CFTR: variants seen among roughly 807,000 people sequenced by gnomAD.
CFTR encodes the protein CF transmembrane conductance regulator, also known as cystic fibrosis transmembrane conductance regulator.
In CFTR, 181 loss-of-function variants were observed where a neutral mutation model predicts 171.6. That is an observed-to-expected ratio of 1.05 (90% CI 0.93 to 1.19). The LOEUF (loss-of-function observed/expected upper bound fraction) is 1.19, where lower values mean the gene tolerates loss of function less well. Ranked by LOEUF, CFTR falls within the 50% of genes most tolerant of loss-of-function variation. CFTR has a pLI of 0.00. For missense variants in CFTR, 1,968 were observed against 1,734.7 expected, an observed-to-expected ratio of 1.13 and a Z score of -2.39; for synonymous variants, 583 against 608.0, an observed-to-expected ratio of 0.96 and a Z score of 0.60.
At chr7:117,651,067 T>C (rs926060528) in intron 23 of CFTR, among the ~76,000 whole-genome samples, 2 of 152,138 alleles carry the variant, frequency 1.3e-5, no homozygotes, top group African/African-American at 4.8e-5. Context: ...CCTCATGAGG[T>C]TGACATGAAG....
intron 24 of CFTR, among the ~76,000 whole-genome samples, chr7:117,653,476 G>A (rs900391979): frequency 1.3e-5 from 2 of 152,138 alleles, no homozygotes; most frequent in Non-Finnish European, 2.9e-5. Context: ...AATGGAAAGG[G>A]CAAGACCTCT....
At chr7:117,539,441 C>T (rs909912512) in intron 7 of CFTR, among the ~76,000 whole-genome samples, 2 of 150,530 alleles carry the variant, frequency 1.3e-5, no homozygotes, top group East Asian at 1.9e-4. Context: ...TTGTTTCAAA[C>T]GCAAATCCTG....
chr7:117,498,661 TA>T (rs1798275387), intron 1 of CFTR, among the ~76,000 whole-genome samples: 1 of 152,162 alleles, frequency 6.6e-6, no homozygotes, highest in Non-Finnish European at 1.5e-5. Flanking sequence ...TTATAGACAC[TA>T]GATGAGTTTT....
chr7:117,500,882 C>T (rs536470586), intron 1 of CFTR, among the ~76,000 whole-genome samples: 5 of 152,180 alleles, frequency 3.3e-5, no homozygotes, highest in South Asian at 4.1e-4. Context: ...CTAATCAAAA[C>T]GATGTGTCAT....
In CFTR at chr7:117,602,699, G is replaced by A. The variant is rs1312946247; in HGVS notation, c.2620-127G>A. On this transcript the variant is annotated intron_variant, in intron 15 of 26. Transcript: ENST00000003084. Reference sequence around the variant, plus strand: ...GACCCAGGAACACAAAGCAAAGGAAGATGAAATTGTGTGTACCTTGATATT... The same window carrying A: ...GACCCAGGAACACAAAGCAAAGGAAAATGAAATTGTGTGTACCTTGATATT... The A allele has an allele frequency of 6.7e-5, 56 of 839,688 alleles. No homozygotes were observed. In the East Asian group the frequency reaches 1.3e-3, roughly 20 times the overall value. 52.0% of individuals were successfully genotyped at this position (839,688 alleles called of 1,614,324 possible).
chr7:117,561,464 C>T (rs1426791893), intron 11 of CFTR, among the ~76,000 whole-genome samples: 1 of 152,028 alleles, frequency 6.6e-6, no homozygotes, highest in Non-Finnish European at 1.5e-5. Context: ...ATTACCGTTC[C>T]TTTGTAGCTA....
At chr7:117,643,816 T>C (rs1294643426) in intron 23 of CFTR, among the ~76,000 whole-genome samples, 1 of 152,110 alleles carries the variant, frequency 6.6e-6, no homozygotes, top group East Asian at 1.9e-4. Flanking sequence ...AAATGGTGAA[T>C]TTTTTGGTTT....
rs762608972 is a variant in CFTR, at chr7:117,595,023, G to T, written c.2584G>T (p.Val862Leu). The T allele has an allele frequency of 1.2e-6, 2 of 1,612,764 alleles. No homozygotes were observed. The highest frequency in any genetic ancestry group is 2.2e-5 in the East Asian group (1 of 44,734). The change falls in exon 15 of 27, where the codon GTG (valine) becomes TTG (leucine). Residue 862 changes from valine (V) to leucine (L), a missense_variant. Transcript: ENST00000003084. ...TACTGTCCACAAGAGCTTAATTTTT[G>T]TGCTAATTTGGTGCTTAGTAATTTT... ...YITVHKSLIF[V>L]LIWCLVIFLA...
At position 117,592,617 on chromosome 7, in the gene CFTR, G is replaced by T. The variant is rs148604667; in HGVS notation, c.2450G>T (p.Gly817Val). ...TCAAGAAGGTTATCTCAAGAAACTG[G>T]CTTGGAAATAAGTGAAGAAATTAAC... ...IYSRRLSQET[G>V]LEISEEINEE... Residue 817 changes from glycine to valine, a missense_variant, in exon 14 of 27, where the codon GGC (glycine) becomes GTC (valine). Physicochemically the swap from Gly to Val is moderately radical, Grantham distance 109 (BLOSUM62 -3). Coordinates refer to ENST00000003084, the MANE Select transcript of CFTR (RefSeq NM_000492.4). 54 of 1,534,200 alleles carry T rather than the reference G, an allele frequency of 3.5e-5. No individual in the cohort carries two copies. Among genetic ancestry groups the T allele is most frequent in the Non-Finnish European group, 4.4e-5 (51 of 1,148,282 alleles).
At chr7:117,544,433 A>C (rs756409110) in intron 9 of CFTR, among the ~76,000 whole-genome samples, 3 of 152,212 alleles carry the variant, frequency 2.0e-5, no homozygotes, top group Admixed American at 6.5e-5. Context: ...GTTCACCCCC[A>C]GTAGATAGCC....
rs542211296 is a variant in CFTR, at chr7:117,603,832, G to A, written c.2908+50G>A. The A allele has an allele frequency of 1.1e-5, 17 of 1,604,680 alleles. No homozygotes were observed. In the South Asian group the frequency reaches 1.8e-4, roughly 17 times the overall value. ...AAACTGCTGATCCACCATCAATAGG[G>A]CCTGTGGTTTTGTTGGTTTTCTAAT... On this transcript the variant is annotated intron_variant, in intron 17 of 26. Coordinates refer to ENST00000003084, the MANE Select transcript of CFTR (RefSeq NM_000492.4).
At chr7:117,602,926 C>T (rs1792247442) in intron 16 of CFTR, 63 bp downstream of exon 16, 2 of 1,342,698 alleles carry the variant, frequency 1.5e-6, no homozygotes, top group Non-Finnish European at 2.1e-6. Context: ...ATATTGTAAT[C>T]CACTATGTTT....
At chr7:117,627,906 T>TA in intron 22 of CFTR, 136 bp downstream of exon 22, 1 of 888,916 alleles carries the variant, frequency 1.1e-6, no homozygotes, top group Non-Finnish European at 1.8e-6. Context: ...ACACATGTTT[T>TA]ATTATATGGA....
At chr7:117,658,142 A>ACAG (rs1349091837) in intron 24 of CFTR, among the ~76,000 whole-genome samples, 1 of 152,190 alleles carries the variant, frequency 6.6e-6, no homozygotes, top group Non-Finnish European at 1.5e-5. Flanking sequence ...CTATCCCAAA[A>ACAG]CAGCTTAGGC....
intron 3 of CFTR, among the ~76,000 whole-genome samples, chr7:117,526,269 A>G (rs1288336170): frequency 4.7e-5 from 7 of 148,538 alleles, no homozygotes; most frequent in Admixed American, 2.7e-4. Flanking sequence ...ACTACTGGGT[A>G]CATAACGAAA....
In CFTR at chr7:117,632,490, G is replaced by A. The variant is rs558029889; in HGVS notation, c.3717+4720G>A. On this transcript the variant is annotated intron_variant, in intron 22 of 26. Transcript: ENST00000003084. ...AGGCAGGAGGATCGCTTGAGCCCAG[G>A]AGATTAAGGCTGCAGCGAGCTGTGA... Among the ~76,000 whole-genome samples the A allele has an allele frequency of 2.6e-5, 4 of 151,548 alleles. No homozygotes were observed. The South Asian group carries it at 8.4e-4, about 32-fold the overall frequency.
Position 117,509,132 on chromosome 7 carries a change from T to C in CFTR, c.263T>C (p.Leu88Ser), listed in dbSNP as rs397508412. The C allele has an allele frequency of 3.2e-6, 5 of 1,550,230 alleles. No homozygotes were observed. The highest frequency in any genetic ancestry group is 1.4e-5 in the African/African-American group (1 of 73,792). ...AGATTTATGTTCTATGGAATCTTTTTATATTTAGGGGTAAGGATCTCATTT... is the reference window on the plus strand; with the variant it reads ...AGATTTATGTTCTATGGAATCTTTTCATATTTAGGGGTAAGGATCTCATTT... Reference protein sequence around the residue: ...FWRFMFYGIFLYLGEVTKAVQ... With the variant: ...FWRFMFYGIFSYLGEVTKAVQ... Residue 88 changes from leucine to serine, a missense_variant, in exon 3 of 27, where the codon TTA becomes TCA. Leu to Ser is a moderately radical substitution (Grantham distance 145). Transcript: ENST00000003084.
At position 117,592,629 on chromosome 7, in the gene CFTR, G is replaced by A. The variant is rs1435555122; in HGVS notation, c.2462G>A (p.Ser821Asn). 1 of 1,540,358 alleles carries A rather than the reference G, an allele frequency of 6.5e-7. No individual in the cohort carries two copies. Among genetic ancestry groups the A allele is most frequent in the East Asian group, 2.3e-5 (1 of 44,344 alleles). ...RLSQETGLEISEEINEEDLKE... is the reference protein window; with the variant it reads ...RLSQETGLEINEEINEEDLKE... ...TCTCAAGAAACTGGCTTGGAAATAA[G>A]TGAAGAAATTAACGAAGAAGACTTA... Residue 821 changes from serine to asparagine, a missense_variant, in exon 14 of 27, where the codon AGT becomes AAT. Transcript: ENST00000003084.
At chr7:117,554,893 TGA>T (rs1328471370) in intron 10 of CFTR, among the ~76,000 whole-genome samples, 2 of 152,102 alleles carry the variant, frequency 1.3e-5, no homozygotes, top group Non-Finnish European at 2.9e-5. Context: ...TTGACCAGAA[TGA>T]AATTAGAAAG....
Sources: gnomAD v4.1 joint callset for allele counts (sites outside exome capture counted in the v4.1 genomes callset) on GRCh38, gnomAD v4.1.1 for gene constraint, MANE v1.5 for transcripts, NCBI Gene and HGNC (gene_info 2026-07-23, HGNC 2026-07-21) for gene names.